The following TLE1 variants were observed in gnomAD, a reference collection of about 807,000 sequenced individuals.
TLE1 encodes transducin-like enhancer protein 1.
Under a neutral mutation model 89.8 loss-of-function variants are expected in TLE1, and 21 were observed. The observed-to-expected ratio is 0.23, with a 90% confidence interval of 0.17 to 0.34. The LOEUF (loss-of-function observed/expected upper bound fraction) is 0.34. TLE1 is among the 10% of genes least tolerant of loss of function. TLE1 has a pLI of 1.00. For missense variants in TLE1, 795 were observed against 1,031.2 expected (o/e 0.77, Z 3.14); for synonymous variants, 447 against 407.6 (o/e 1.10, Z -1.16).
intron 6 of TLE1, among the ~76,000 whole-genome samples, chr9:81,646,451 G>T (rs1326493049): frequency 1.3e-5 from 2 of 152,170 alleles, no homozygotes; most frequent in African/African-American, 4.8e-5. Context: ...TAGCTATTTA[G>T]TCTTCTCTCG....
chr9:81,616,786 GCAGA>G, intron 9 of TLE1, 87 bp from the exon 10 acceptor site: 1 of 1,512,278 alleles, frequency 6.6e-7, no homozygotes, highest in Non-Finnish European at 9.1e-7. Flanking sequence ...GTTCCTGGTA[GCAGA>G]CAGACTAAAA....
chr9:81,652,625 G>A (rs1201978387), intron 5 of TLE1, among the ~76,000 whole-genome samples: 2 of 152,086 alleles, frequency 1.3e-5, no homozygotes, highest in African/African-American at 4.8e-5. Flanking sequence ...GTTCACAAAA[G>A]GGGTTCATAA....
chr9:81,601,986 G>T (rs984719396), intron 14 of TLE1, among the ~76,000 whole-genome samples: 1 of 152,134 alleles, frequency 6.6e-6, no homozygotes. Context: ...GCTTGTACAC[G>T]ATTATAATCC....
rs765914853 is a variant in TLE1 at position 81,688,282 on chromosome 9, T to C, written c.-42A>G. The C allele has an allele frequency of 6.5e-7, 1 of 1,533,820 alleles. No individual in the cohort carries two copies. Among genetic ancestry groups the C allele is most frequent in the Non-Finnish European group, 8.7e-7 (1 of 1,145,632 alleles). On this transcript the variant is annotated 5_prime_UTR_variant, in exon 1 of 20. Transcript: ENST00000376499. The stretch of plus-strand genomic sequence containing the variant: ...GGGGCTCTGTTCCCCGGCAACTCAA[T>C]TCTCCGGTCAATTTCCAACTTTAAT...
At chr9:81,612,648 C>T (rs572709880) in intron 12 of TLE1, among the ~76,000 whole-genome samples, 5 of 152,254 alleles carry the variant, frequency 3.3e-5, no homozygotes, top group South Asian at 2.1e-4. Flanking sequence ...CCAGCCAAAC[C>T]GCTGTTTCAG....
intron 4 of TLE1, among the ~76,000 whole-genome samples, chr9:81,660,636 T>TC (rs1451677615): frequency 6.6e-6 from 1 of 150,920 alleles, no homozygotes; most frequent in African/African-American, 2.4e-5. Flanking sequence ...CAGGATGGTC[T>TC]CCAACTCCTG....
chr9:81,593,047 G>A lies in TLE1; in HGVS notation c.1559C>T (p.Pro520Leu), dbSNP rs1311881618. The change falls in exon 15 of 20, where the codon CCT becomes CTT. Residue 520 changes from proline (P) to leucine (L), a missense_variant. By Grantham distance (98) the Pro-to-Leu change is moderately conservative. Around this residue, in one of 4 missense-constraint regions of TLE1, gnomAD observed 214 missense variants for 354.9 expected, o/e 0.60. Coordinates refer to ENST00000376499, the MANE Select transcript of TLE1 (RefSeq NM_005077.5). ...CACCAGACAGTCGAGCTGGGAGACA[G>A]GGCTCTTATTGCCAGGGTGGCTGAT... ...WDISHPGNKS[P>L]VSQLDCLNRD... is the part of the protein sequence containing the mutation. 1.9e-6 allele frequency: 3 copies of A among 1,613,484 alleles called. No individual in the cohort carries two copies. The highest frequency in any genetic ancestry group is 2.5e-6 in the Non-Finnish European group (3 of 1,179,600).
chr9:81,677,459 G>GA (rs1833037164), intron 4 of TLE1, among the ~76,000 whole-genome samples: 1 of 149,110 alleles, frequency 6.7e-6, no homozygotes, highest in Non-Finnish European at 1.5e-5. Context: ...CAGCTACTCA[G>GA]CAGGCTGAGG....
rs117167900 is a variant in TLE1, at chr9:81,688,335, C to G, written c.-95G>C. 0.072 allele frequency: 97,512 copies of G among 1,355,088 alleles called. 3,975 individuals are homozygous for G. Among genetic ancestry groups the G allele is most frequent in the Non-Finnish European group, 0.081 (83,955 of 1,034,274 alleles). The allele number at this position is 1,355,088 out of a possible 1,614,324, so 83.9% of individuals were successfully genotyped here. Reference sequence around the variant, plus strand: ...CGCCGAGGAAAATTAAGCCGGAAAGCCAAGCAGAAGCGGGGAGCGCGCTGG... The same window carrying G: ...CGCCGAGGAAAATTAAGCCGGAAAGGCAAGCAGAAGCGGGGAGCGCGCTGG... On this transcript the variant is annotated 5_prime_UTR_variant, in exon 1 of 20. Transcript: ENST00000376499.
In TLE1 at chr9:81,620,426, C is replaced by T. The variant is rs1238217772; in HGVS notation, c.711+15G>A. On this transcript the variant is annotated intron_variant, in intron 9 of 19. Coordinates refer to ENST00000376499, the MANE Select transcript of TLE1 (RefSeq NM_005077.5). ...TAAGCAAACAAATATTATTTCAAGT[C>T]CTTTAATTACTTACATAGTGGCTGG... 13 of 1,585,826 alleles carry T rather than the reference C, an allele frequency of 8.2e-6. No individual in the cohort carries two copies. Among genetic ancestry groups the T allele is most frequent in the African/African-American group, 1.4e-5 (1 of 74,040 alleles).
Position 81,595,985 on chromosome 9 carries a change from G to A in TLE1, c.1332-2711C>T, listed in dbSNP as rs530481475. On this transcript the variant is annotated intron_variant, in intron 14 of 19. Transcript: ENST00000376499. ...CTGTGTACCACAAATCAAGCTGGGC[G>A]CCTCCAGGTAAGGCCAGGTTTCCAT... Among the ~76,000 whole-genome samples, 6 of 152,208 alleles carry A rather than the reference G, an allele frequency of 3.9e-5. No individual in the cohort carries two copies. In the South Asian group the frequency reaches 6.2e-4, roughly 16 times the overall value.
At chr9:81,639,575 GTTTTTTTTTTTTGTT>G (rs1180880842) in intron 6 of TLE1, among the ~76,000 whole-genome samples, 4 of 117,804 alleles carry the variant, frequency 3.4e-5, no homozygotes, top group East Asian at 6.2e-4. Context: ...AGTAAAAGTT[GTTTTTTTTTTTTGTT>G]TTTTTTTTTT....
At chr9:81,678,420 A>G (rs1215824338) in intron 4 of TLE1, among the ~76,000 whole-genome samples, 2 of 152,110 alleles carry the variant, frequency 1.3e-5, no homozygotes, top group Non-Finnish European at 2.9e-5. Flanking sequence ...GGGTCTCGCT[A>G]TGTTGGCCAG....
chr9:81,625,015 TA>T (rs1287072916), intron 8 of TLE1, among the ~76,000 whole-genome samples: 1 of 152,058 alleles, frequency 6.6e-6, no homozygotes, highest in Non-Finnish European at 1.5e-5. Context: ...CTGAGAAGTC[TA>T]AAAGAAAAGA....
chr9:81,666,399 C>A (rs1340059308), intron 4 of TLE1, among the ~76,000 whole-genome samples: 1 of 152,132 alleles, frequency 6.6e-6, no homozygotes, highest in Non-Finnish European at 1.5e-5. Context: ...TAATACCACA[C>A]AATGGCAGGA....
At chr9:81,631,932 G>A (rs1163489076) in intron 8 of TLE1, among the ~76,000 whole-genome samples, 7 of 152,076 alleles carry the variant, frequency 4.6e-5, no homozygotes, top group Admixed American at 2.0e-4. Flanking sequence ...GAGAAACCCC[G>A]TCTGTACTAA....
chr9:81,633,724 T>C, intron 7 of TLE1: 1 of 475,638 alleles, frequency 2.1e-6, no homozygotes, highest in East Asian at 3.1e-5. Flanking sequence ...AAACCTTTCA[T>C]TTGAACACAT....
At chr9:81,617,332 T>C (rs1472321988) in intron 9 of TLE1, among the ~76,000 whole-genome samples, 1 of 152,182 alleles carries the variant, frequency 6.6e-6, no homozygotes, top group Non-Finnish European at 1.5e-5. Flanking sequence ...GCTCTCATTG[T>C]CCCCTCATAA....
chr9:81,658,934 G>A (rs1830451882), intron 4 of TLE1, among the ~76,000 whole-genome samples: 1 of 150,572 alleles, frequency 6.6e-6, no homozygotes, highest in Admixed American at 6.6e-5. Context: ...TTTTTAGATG[G>A]AGTCTTGCTC....
Sources: gnomAD v4.1 joint callset for allele counts (sites outside exome capture counted in the v4.1 genomes callset) on GRCh38, gnomAD v4.1.1 for gene constraint, gnomAD v4.1.1 regional missense constraint, MANE v1.5 for transcripts, NCBI Gene and HGNC (gene_info 2026-07-23, HGNC 2026-07-21) for gene names.